DBH: variants seen among roughly 807,000 people sequenced by gnomAD.
DBH encodes the protein dopamine beta-hydroxylase (dopamine beta-monooxygenase).
In DBH, 49 loss-of-function variants were observed where a neutral mutation model predicts 64.0. The observed-to-expected ratio is 0.77, with a 90% CI of 0.61 to 0.97. The LOEUF is 0.97. Ranked by LOEUF, DBH falls within the 50% of genes least tolerant of loss-of-function variation. DBH has a pLI of 0.00. For synonymous variants in DBH, 343 were observed against 347.1 expected (o/e 0.99, Z 0.13); for missense variants, 828 against 826.6 (o/e 1.00, Z -0.02).
intron 9 of DBH, 177 bp from the exon 10 acceptor site, chr9:133,656,346 T>C (rs1425172568): frequency 1.3e-5 from 10 of 743,664 alleles, no homozygotes; most frequent in Non-Finnish European, 2.0e-5. Context: ...ACTGCCTGTC[T>C]CTCCTGCCAA....
At position 133,647,717 on chromosome 9, in the gene DBH, G is replaced by A. The variant is rs142937719; in HGVS notation, c.1025-129G>A. 6,189 of 1,115,474 alleles carry A rather than the reference G, an allele frequency of 5.5e-3. 24 individuals are homozygous for A. The highest frequency in any genetic ancestry group is 6.8e-3 in the Non-Finnish European group (5,147 of 757,772). 69.1% of individuals were successfully genotyped at this position (1,115,474 alleles called of 1,614,324 possible). On this transcript the variant is annotated intron_variant, in intron 5 of 11. Transcript: ENST00000393056. ...CTCTTGGTCTGCCTAGCAGGTGGGA[G>A]CAGATGGGGGGTGACCGGCCCTGCC... is the stretch of plus-strand genomic sequence containing the variant.
At chr9:133,657,497 GGAGAGAGAGAGAGA>G (rs149061808) in intron 11 of DBH, among the ~76,000 whole-genome samples, 3 of 143,056 alleles carry the variant, frequency 2.1e-5, no homozygotes, top group East Asian at 2.0e-4. Flanking sequence ...GAGAGAGAGA[GGAGAGAGAGAGAGA>G]GAGAGAGGGA....
At chr9:133,644,102 G>A (rs1404842420) in intron 4 of DBH, 116 bp from the exon 5 acceptor site, 4 of 800,534 alleles carry the variant, frequency 5.0e-6, no homozygotes, top group Non-Finnish European at 9.0e-6. Flanking sequence ...TAATCCTGCT[G>A]CGCCCCCTCC....
In DBH at chr9:133,653,002, A is replaced by T; in HGVS notation, c.1434+3A>T. ...AAGACCGGGAGCTGGCCACAGTGGT[A>T]AGTCACCCCCGCTTCCCCCTGCACC... On this transcript the variant is annotated splice_donor_region_variant and intron_variant, in intron 9 of 11. Coordinates refer to ENST00000393056, the MANE Select transcript of DBH (RefSeq NM_000787.4). 2 of 1,611,226 alleles carry T rather than the reference A, an allele frequency of 1.2e-6. No homozygotes were observed. The highest frequency in any genetic ancestry group is 1.7e-6 in the Non-Finnish European group (2 of 1,177,662).
In DBH at chr9:133,658,525, A is replaced by T. The variant is rs1832366608; in HGVS notation, c.*78A>T. 1 of 1,450,282 alleles carries T rather than the reference A, an allele frequency of 6.9e-7. No homozygotes were observed. Among genetic ancestry groups the T allele is most frequent in the Non-Finnish European group, 9.2e-7 (1 of 1,086,786 alleles). The allele number at this position is 1,450,282 out of a possible 1,614,324, so 89.8% of individuals were successfully genotyped here. ...GCACTGTGCACTCTACTCTGCGACG[A>T]TCCCCATGGAACAGCCCTGCACGCC... is the stretch of plus-strand genomic sequence containing the variant. On this transcript the variant is annotated 3_prime_UTR_variant, in exon 12 of 12. Coordinates refer to ENST00000393056, the MANE Select transcript of DBH (RefSeq NM_000787.4).
chr9:133,654,701 C>T (rs1479882919), intron 9 of DBH: 1 of 152,330 alleles, frequency 6.6e-6, no homozygotes, highest in Non-Finnish European at 1.5e-5. Context: ...CCTAACCACA[C>T]CAAGCCTTGC....
chr9:133,653,918 A>G (rs1051437485), intron 9 of DBH, among the ~76,000 whole-genome samples: 7 of 152,152 alleles, frequency 4.6e-5, no homozygotes, highest in Admixed American at 6.5e-5. Flanking sequence ...TGCTTCGGTA[A>G]CCATGGTGGT....
intron 3 of DBH, 139 bp downstream of exon 3, chr9:133,642,603 C>A: frequency 9.2e-7 from 1 of 1,083,432 alleles, no homozygotes; most frequent in Non-Finnish European, 1.4e-6. Flanking sequence ...AGGCACCTGC[C>A]TGAGCAGGGG....
At position 133,646,057 on chromosome 9, in the gene DBH, G is replaced by A. The variant is rs573724893; in HGVS notation, c.1024+1737G>A. On this transcript the variant is annotated intron_variant, in intron 5 of 11. Transcript: ENST00000393056. Reference sequence around the variant, plus strand: ...AAGATGAAACCACCCCCCAGCTCCCGGCTCCAAGTTTTGAAGTGAGCACTG... The same window carrying A: ...AAGATGAAACCACCCCCCAGCTCCCAGCTCCAAGTTTTGAAGTGAGCACTG... Among the ~76,000 whole-genome samples, 7 of 152,220 alleles carry A rather than the reference G, an allele frequency of 4.6e-5. No homozygotes were observed. In the South Asian group the frequency reaches 6.2e-4, roughly 14 times the overall value.
chr9:133,640,116 G>A, intron 2 of DBH, 124 bp downstream of exon 2: 1 of 1,346,352 alleles, frequency 7.4e-7, no homozygotes, highest in Non-Finnish European at 1.0e-6. Flanking sequence ...GGCCAGCTAT[G>A]ACAGAGAGAA....
chr9:133,650,211 G>T (rs1832227638), intron 6 of DBH, among the ~76,000 whole-genome samples: 1 of 152,170 alleles, frequency 6.6e-6, no homozygotes, highest in Admixed American at 6.5e-5. Context: ...GCGACGGCAA[G>T]GTCAGGGCGG....
intron 6 of DBH, among the ~76,000 whole-genome samples, chr9:133,650,543 CTTCCT>C (rs1345827764): frequency 1.2e-4 from 11 of 92,320 alleles, no homozygotes; most frequent in African/African-American, 4.1e-4. Context: ...TTCTTTCTTC[CTTCCT>C]TTCTTTTTTT....
chr9:133,656,773 G>A (rs888476237), intron 10 of DBH, 123 bp downstream of exon 10: 15 of 1,267,310 alleles, frequency 1.2e-5, no homozygotes, highest in African/African-American at 2.9e-5. Context: ...GACCTGTGGC[G>A]GCATCACTCA....
At chr9:133,647,371 CA>C (rs1463985940) in intron 5 of DBH, among the ~76,000 whole-genome samples, 1 of 152,334 alleles carries the variant, frequency 6.6e-6, no homozygotes, top group Non-Finnish European at 1.5e-5. Flanking sequence ...GCCCAGACCA[CA>C]CCCTGCAGGT....
intron 5 of DBH, among the ~76,000 whole-genome samples, chr9:133,646,862 G>A (rs1420665667): frequency 6.6e-6 from 1 of 152,156 alleles, no homozygotes; most frequent in African/African-American, 2.4e-5. Flanking sequence ...GTGACCACTG[G>A]GAGGCTGGCC....
intron 9 of DBH, chr9:133,654,975 C>G (rs757222906): frequency 2.0e-5 from 3 of 152,364 alleles, no homozygotes; most frequent in African/African-American, 7.2e-5. Flanking sequence ...GGGCATCCAG[C>G]GAGGAGACTG....
At chr9:133,644,157 C>T (rs1832154180) in intron 4 of DBH, 61 bp from the exon 5 acceptor site, 2 of 1,322,816 alleles carry the variant, frequency 1.5e-6, no homozygotes, top group Non-Finnish European at 2.2e-6. Context: ...GGGTTTGCCC[C>T]TGCCCAGACC....
chr9:133,656,985 G>T, intron 10 of DBH, 85 bp from the exon 11 acceptor site: 1 of 1,474,848 alleles, frequency 6.8e-7, no homozygotes, highest in Non-Finnish European at 9.5e-7. Flanking sequence ...GACAGGACTC[G>T]AGTTGCAGGG....
chr9:133,652,879 G>T, intron 8 of DBH, 61 bp from the exon 9 acceptor site: 1 of 1,253,536 alleles, frequency 8.0e-7, no homozygotes, highest in Non-Finnish European at 1.2e-6. Context: ...TGGGGGCGAG[G>T]CCTCCAGCAC....
Sources: allele counts gnomAD v4.1 joint callset (sites outside exome capture counted in the v4.1 genomes callset), GRCh38; gene constraint gnomAD v4.1.1; transcripts MANE v1.5; gene names NCBI Gene and HGNC (gene_info 2026-07-23, HGNC 2026-07-21).